Variants in ZNF609 observed in about 807,000 individuals in gnomAD.
The protein encoded by ZNF609 is zinc finger protein 609.
In ZNF609, 11 loss-of-function variants were observed where a neutral mutation model predicts 109.5. The observed-to-expected ratio is 0.10, with a 90% CI of 0.06 to 0.17. The LOEUF (loss-of-function observed/expected upper bound fraction) is 0.17. ZNF609 is among the 10% of genes least tolerant of loss of function. ZNF609 has a pLI of 1.00. For synonymous variants in ZNF609, 646 were observed against 662.0 expected, an observed-to-expected ratio of 0.98 and a Z score of 0.37; for missense variants, 1,559 against 1,772.4, an observed-to-expected ratio of 0.88 and a Z score of 2.16.
chr15:64,619,660 A>T (rs1056480712), intron 2 of ZNF609, among the ~76,000 whole-genome samples: 2 of 152,236 alleles, frequency 1.3e-5, no homozygotes, highest in Non-Finnish European at 2.9e-5. Flanking sequence ...TACAACAGAG[A>T]TGCCAAACTC....
chr15:64,491,558 C>T (rs1595697860), intron 1 of ZNF609, among the ~76,000 whole-genome samples: 1 of 152,148 alleles, frequency 6.6e-6, no homozygotes, highest in South Asian at 2.1e-4. Flanking sequence ...ATGTTAAAAC[C>T]ATGAGTTTTG....
intron 2 of ZNF609, among the ~76,000 whole-genome samples, chr15:64,537,116 G>C (rs773943575): frequency 1.3e-5 from 2 of 151,056 alleles, no homozygotes; most frequent in African/African-American, 2.4e-5. Context: ...CCAGCTACTC[G>C]GGAGGCTGAG....
chr15:64,601,691 T>G (rs971999295), intron 2 of ZNF609, among the ~76,000 whole-genome samples: 1 of 152,226 alleles, frequency 6.6e-6, no homozygotes, highest in Non-Finnish European at 1.5e-5. Flanking sequence ...GTCTAGAGTA[T>G]TCTGCTAAAT....
chr15:64,675,857 C>T lies in ZNF609; in HGVS notation c.3003C>T (p.Tyr1001=). 6.2e-7 allele frequency: 1 copy of T among 1,614,200 alleles called. No individual in the cohort carries two copies. The highest frequency in any genetic ancestry group is 8.5e-7 in the Non-Finnish European group (1 of 1,180,042). Residue 1001 remains tyrosine (Y), a synonymous_variant, in exon 5 of 10, where the codon TAC becomes TAT. Coordinates refer to ENST00000326648, the MANE Select transcript of ZNF609 (RefSeq NM_015042.2). ...HTHLLSTNTA[Y]RQQYEEQQKR... is the part of the protein sequence containing the mutation. ...ACCTTCTGAGCACTAACACGGCTTACCGGCAGCAGTACGAAGAACAGCAGA... is the reference window on the plus strand; with the variant it reads ...ACCTTCTGAGCACTAACACGGCTTATCGGCAGCAGTACGAAGAACAGCAGA...
intron 3 of ZNF609, among the ~76,000 whole-genome samples, chr15:64,662,174 A>G (rs1347325559): frequency 2.0e-5 from 3 of 152,110 alleles, no homozygotes; most frequent in Admixed American, 2.0e-4. Context: ...GGGCTGCTTA[A>G]GTGTTCTCAC....
chr15:64,602,343 A>T (rs2140949240), intron 2 of ZNF609, among the ~76,000 whole-genome samples: 1 of 152,324 alleles, frequency 6.6e-6, no homozygotes, highest in South Asian at 2.1e-4. Context: ...ATCACTTAGT[A>T]GTAACCTTGG....
intron 1 of ZNF609, among the ~76,000 whole-genome samples, chr15:64,480,974 A>G (rs184101660): frequency 2.3e-4 from 35 of 152,324 alleles, no homozygotes; most frequent in African/African-American, 8.2e-4. Flanking sequence ...AATAACCTGA[A>G]TTTTACCCGG....
intron 1 of ZNF609, among the ~76,000 whole-genome samples, chr15:64,473,343 T>C (rs1893120071): frequency 1.3e-5 from 2 of 150,692 alleles, no homozygotes; most frequent in South Asian, 4.2e-4. Flanking sequence ...GGATTACAGA[T>C]GCCCACCACC....
intron 2 of ZNF609, among the ~76,000 whole-genome samples, chr15:64,620,602 T>C (rs1186533830): frequency 6.6e-6 from 1 of 152,240 alleles, no homozygotes; most frequent in Non-Finnish European, 1.5e-5. Flanking sequence ...TACAGGCTTC[T>C]ACTTCCATTT....
chr15:64,634,960 G>A (rs779607355), intron 3 of ZNF609, among the ~76,000 whole-genome samples: 35 of 152,244 alleles, frequency 2.3e-4, no homozygotes, highest in Middle Eastern at 6.8e-3. Flanking sequence ...GGGCAGTGAC[G>A]TGTTTATATA....
chr15:64,596,845 C>T (rs145404394), intron 2 of ZNF609, among the ~76,000 whole-genome samples: 1 of 152,226 alleles, frequency 6.6e-6, no homozygotes, highest in African/African-American at 2.4e-5. Flanking sequence ...ACCAACCCTG[C>T]CCCAAGTACC....
chr15:64,469,683 C>T (rs1276395753), intron 1 of ZNF609, among the ~76,000 whole-genome samples: 1 of 151,952 alleles, frequency 6.6e-6, no homozygotes, highest in East Asian at 1.9e-4. Context: ...CAACTTGCCG[C>T]ATATATCTTT....
chr15:64,585,967 TC>T (rs1895188594), intron 2 of ZNF609, among the ~76,000 whole-genome samples: 1 of 152,096 alleles, frequency 6.6e-6, no homozygotes, highest in Non-Finnish European at 1.5e-5. Context: ...CACCTCAGCC[TC>T]CCGAGTAGCA....
intron 1 of ZNF609, among the ~76,000 whole-genome samples, chr15:64,478,727 AT>A (rs1026847832): frequency 3.9e-5 from 6 of 152,144 alleles, no homozygotes; most frequent in Non-Finnish European, 8.8e-5. Flanking sequence ...GGAAAAATCT[AT>A]TACTTTTAAG....
At chr15:64,633,604 A>G (rs1196344379) in intron 3 of ZNF609, among the ~76,000 whole-genome samples, 2 of 152,244 alleles carry the variant, frequency 1.3e-5, no homozygotes, top group Non-Finnish European at 2.9e-5. Flanking sequence ...TTATTGGAAG[A>G]CAGTCATTCT....
intron 2 of ZNF609, among the ~76,000 whole-genome samples, chr15:64,537,051 C>T (rs1292594590): frequency 5.3e-5 from 8 of 151,640 alleles, no homozygotes; most frequent in Non-Finnish European, 5.9e-5. Flanking sequence ...GGCGAAACCC[C>T]GTCTCTACTA....
Position 64,619,079 on chromosome 15 carries a change from C to T in ZNF609, c.748-3748C>T, listed in dbSNP as rs558283600. Among the ~76,000 whole-genome samples, 6 of 152,312 alleles carry T rather than the reference C, an allele frequency of 3.9e-5. No homozygotes were observed. In the South Asian group the frequency reaches 1.2e-3, roughly 32 times the overall value. ...GGACCACGTTCTCTACCCAGCACAC[C>T]CGTGTCACTCCTACCTCAGCGTCCC... On this transcript the variant is annotated intron_variant, in intron 2 of 9. Coordinates refer to ENST00000326648, the MANE Select transcript of ZNF609 (RefSeq NM_015042.2).
At chr15:64,475,219 G>A (rs1420905486) in intron 1 of ZNF609, among the ~76,000 whole-genome samples, 1 of 149,796 alleles carries the variant, frequency 6.7e-6, no homozygotes. Flanking sequence ...TTGCTCCCAG[G>A]ACAGTTAACT....
chr15:64,577,769 G>A (rs2140422767), intron 2 of ZNF609, among the ~76,000 whole-genome samples: 1 of 151,236 alleles, frequency 6.6e-6, no homozygotes, highest in East Asian at 1.9e-4. Context: ...TGAGGCAGGA[G>A]AATCGCTTGA....
Sources: gnomAD v4.1 joint callset for allele counts (sites outside exome capture counted in the v4.1 genomes callset) on GRCh38, gnomAD v4.1.1 for gene constraint, MANE v1.5 for transcripts, NCBI Gene and HGNC (gene_info 2026-07-23, HGNC 2026-07-21) for gene names.